SMCO4: variants seen among roughly 807,000 people sequenced by gnomAD.
SMCO4 encodes the protein single-pass membrane protein with coiled-coil domains 4.
In SMCO4, 4 loss-of-function variants were observed where a neutral mutation model predicts 3.6. The ratio of observed to expected loss-of-function variants is 1.11; its 90% CI spans 0.54 to 2.53. SMCO4 has a LOEUF of 2.53. Ranked by LOEUF, SMCO4 falls within the 30% of genes most tolerant of loss-of-function variation. The pLI is 0.02. For synonymous variants in SMCO4, 36 were observed against 35.3 expected, an observed-to-expected ratio of 1.02 and a Z score of -0.07; for missense variants, 70 against 80.8, an observed-to-expected ratio of 0.87 and a Z score of 0.51.
intron 2 of SMCO4, among the ~76,000 whole-genome samples, chr11:93,483,313 G>T (rs1016891387): frequency 6.6e-6 from 1 of 152,182 alleles, no homozygotes; most frequent in African/African-American, 2.4e-5. Flanking sequence ...CCTCACCATG[G>T]CTCTGGGCCC....
At chr11:93,483,916 C>T (rs1030868982) in intron 2 of SMCO4, among the ~76,000 whole-genome samples, 1 of 152,156 alleles carries the variant, frequency 6.6e-6, no homozygotes, top group African/African-American at 2.4e-5. Flanking sequence ...TTCAGCAGCC[C>T]CTTGCAGAGA....
At chr11:93,500,016 A>G (rs1948819062) in intron 1 of SMCO4, among the ~76,000 whole-genome samples, 1 of 152,242 alleles carries the variant, frequency 6.6e-6, no homozygotes, top group Non-Finnish European at 1.5e-5. Flanking sequence ...AGCAAAATAA[A>G]TAAGAGTTCC....
At chr11:93,541,574 A>G (rs1348259685) in intron 1 of SMCO4, among the ~76,000 whole-genome samples, 1 of 152,172 alleles carries the variant, frequency 6.6e-6, no homozygotes, top group Non-Finnish European at 1.5e-5. Flanking sequence ...GTCCACTCCA[A>G]GCTTGAAGAT....
At chr11:93,494,054 G>T (rs1240909350) in intron 2 of SMCO4, among the ~76,000 whole-genome samples, 1 of 152,028 alleles carries the variant, frequency 6.6e-6, no homozygotes, top group African/African-American at 2.4e-5. Flanking sequence ...TCACCTTACT[G>T]CTTTGTCAAG....
chr11:93,519,132 AG>A (rs1220799656), intron 1 of SMCO4, among the ~76,000 whole-genome samples: 1 of 152,200 alleles, frequency 6.6e-6, no homozygotes, highest in Admixed American at 6.5e-5. Context: ...GAACCAACCC[AG>A]GGTGCACATA....
intron 1 of SMCO4, among the ~76,000 whole-genome samples, chr11:93,502,311 T>A (rs914591637): frequency 6.6e-6 from 1 of 152,042 alleles, no homozygotes; most frequent in Non-Finnish European, 1.5e-5. Context: ...CTAACAACCT[T>A]TCCCCCAACA....
chr11:93,520,776 G>A (rs564837675), intron 1 of SMCO4, among the ~76,000 whole-genome samples: 18 of 152,362 alleles, frequency 1.2e-4, no homozygotes, highest in Middle Eastern at 3.4e-3. Flanking sequence ...CAGAGACCCA[G>A]ACTTGCAAAT....
intron 1 of SMCO4, among the ~76,000 whole-genome samples, chr11:93,505,681 C>T (rs1948891959): frequency 6.6e-6 from 1 of 152,168 alleles, no homozygotes; most frequent in South Asian, 2.1e-4. Context: ...AACAAAGGAT[C>T]TTGAAAATCC....
intron 1 of SMCO4, among the ~76,000 whole-genome samples, chr11:93,530,342 C>A (rs573973550): frequency 6.6e-6 from 1 of 152,070 alleles, no homozygotes; most frequent in African/African-American, 2.4e-5. Context: ...CTCTCTTCTT[C>A]GTGTTTGTGG....
chr11:93,524,891 AG>A (rs1382345098), intron 1 of SMCO4, among the ~76,000 whole-genome samples: 2 of 152,194 alleles, frequency 1.3e-5, no homozygotes, highest in Non-Finnish European at 2.9e-5. Context: ...AATCCAACAA[AG>A]GGTATAAACT....
chr11:93,498,105 A>G (rs534842420), intron 2 of SMCO4, among the ~76,000 whole-genome samples: 7 of 152,344 alleles, frequency 4.6e-5, no homozygotes, highest in Non-Finnish European at 1.0e-4. Context: ...CCTCACACTG[A>G]AGCCCAATAC....
chr11:93,531,638 T>A (rs953341279), intron 1 of SMCO4, among the ~76,000 whole-genome samples: 1 of 152,234 alleles, frequency 6.6e-6, no homozygotes, highest in African/African-American at 2.4e-5. Flanking sequence ...TGCAGACAGG[T>A]AACACTAATT....
At chr11:93,545,405 C>T (rs1949307950), upstream of SMCO4, among the ~76,000 whole-genome samples, 1 of 151,440 alleles carries the variant, frequency 6.6e-6, no homozygotes, top group Non-Finnish European at 1.5e-5. Context: ...CTGGCCAACA[C>T]GATGAACCCC....
chr11:93,538,424 C>A (rs1001742132), intron 1 of SMCO4, among the ~76,000 whole-genome samples: 2 of 152,158 alleles, frequency 1.3e-5, no homozygotes, highest in East Asian at 3.9e-4. Flanking sequence ...GCAGACAATA[C>A]CCCAGGAAGG....
At chr11:93,499,845 C>T (rs1465930153) in intron 1 of SMCO4, among the ~76,000 whole-genome samples, 4 of 152,114 alleles carry the variant, frequency 2.6e-5, no homozygotes, top group African/African-American at 4.8e-5. Context: ...CCCAGGCATC[C>T]GAACTACCGT....
At chr11:93,553,855 C>CT in the SMCO4 span, among the ~76,000 whole-genome samples, 1 of 152,290 alleles carries the variant, frequency 6.6e-6, no homozygotes, top group African/African-American at 2.4e-5. Context: ...ACCAAGCCTC[C>CT]TAGCCTTACC....
chr11:93,483,317 TG>T (rs1169315267), intron 2 of SMCO4, among the ~76,000 whole-genome samples: 3 of 152,148 alleles, frequency 2.0e-5, no homozygotes, highest in African/African-American at 7.2e-5. Flanking sequence ...ACCATGGCTC[TG>T]GGCCCAGGGG....
At chr11:93,479,362 T>G in intron 2 of SMCO4, 93 bp from the exon 3 acceptor site, 1 of 1,199,466 alleles carries the variant, frequency 8.3e-7, no homozygotes, top group Admixed American at 2.9e-5. Context: ...GAAAAATATC[T>G]GCAACTTACA....
At position 93,492,645 on chromosome 11, in the gene SMCO4, C is replaced by G. The variant is rs1948731739; in HGVS notation, c.-81+6631G>C. Reference sequence around the variant, plus strand: ...AGGCTGGAGCAAGCCCCAAGGAGACCTCAAAGAAGAGGGTGCCAGGGAAGG... The same window carrying G: ...AGGCTGGAGCAAGCCCCAAGGAGACGTCAAAGAAGAGGGTGCCAGGGAAGG... On this transcript the variant is annotated intron_variant, in intron 2 of 2. Coordinates refer to ENST00000298966, the MANE Select transcript of SMCO4 (RefSeq NM_020179.3). Among the ~76,000 whole-genome samples, 3 of 152,130 alleles carry G rather than the reference C, an allele frequency of 2.0e-5. No homozygotes were observed. The South Asian group carries it at 6.2e-4, about 32-fold the overall frequency.
Sources: allele counts gnomAD v4.1 joint callset (sites outside exome capture counted in the v4.1 genomes callset), GRCh38; gene constraint gnomAD v4.1.1; transcripts MANE v1.5; gene names NCBI Gene and HGNC (gene_info 2026-07-23, HGNC 2026-07-21).